The following PSAT1 variants were observed in gnomAD, a reference collection of about 807,000 sequenced individuals.
PSAT1 encodes the protein phosphoserine aminotransferase.
In PSAT1, 41 loss-of-function variants were observed where a neutral mutation model predicts 40.3. The ratio of observed to expected loss-of-function variants is 1.02; its 90% CI spans 0.79 to 1.32. The LOEUF (loss-of-function observed/expected upper bound fraction) is 1.32. Ranked by LOEUF, PSAT1 falls within the 40% of genes most tolerant of loss-of-function variation. The pLI is 0.00. For missense variants in PSAT1, 406 were observed against 455.8 expected (o/e 0.89, Z 0.99); for synonymous variants, 147 against 170.5 (o/e 0.86, Z 1.07).
intron 1 of PSAT1, 86 bp from the exon 2 acceptor site, chr9:78,300,516 T>G (rs1238737563): frequency 2.3e-5 from 34 of 1,503,650 alleles, no homozygotes; most frequent in Middle Eastern, 1.8e-4. Context: ...AGACCCTTCC[T>G]TGTCCCCTCG....
At chr9:78,325,639 G>A (rs1374280442) in intron 7 of PSAT1, among the ~76,000 whole-genome samples, 3 of 152,170 alleles carry the variant, frequency 2.0e-5, no homozygotes, top group African/African-American at 7.2e-5. Flanking sequence ...TGCAGCCCTT[G>A]GCTGTTACAG....
intron 3 of PSAT1, among the ~76,000 whole-genome samples, chr9:78,303,204 T>G (rs1828133250): frequency 2.0e-5 from 3 of 152,234 alleles, no homozygotes; most frequent in African/African-American, 7.2e-5. Flanking sequence ...AAGTTTTCTT[T>G]TTCAAATTGC....
At chr9:78,319,867 G>A in intron 7 of PSAT1, among the ~76,000 whole-genome samples, 1 of 152,082 alleles carries the variant, frequency 6.6e-6, no homozygotes, top group East Asian at 1.9e-4. Flanking sequence ...GTTTATGCTG[G>A]GATTGGGAAG....
intron 7 of PSAT1, among the ~76,000 whole-genome samples, chr9:78,318,100 T>A (rs750366974): frequency 1.5e-4 from 23 of 152,178 alleles, no homozygotes; most frequent in Non-Finnish European, 2.8e-4. Context: ...GTAGGTCCCG[T>A]CTACTCCCTC....
intron 6 of PSAT1, among the ~76,000 whole-genome samples, chr9:78,310,616 A>ATTTT (rs61004589): frequency 0.14 from 20,966 of 145,696 alleles, 1,600 homozygotes; most frequent in South Asian, 0.16. Flanking sequence ...AAAGGAAAGA[A>ATTTT]TTTTTTTTTT....
intron 6 of PSAT1, among the ~76,000 whole-genome samples, chr9:78,317,309 T>C (rs527915035): frequency 1.0e-3 from 156 of 152,154 alleles, no homozygotes; most frequent in Non-Finnish European, 2.0e-3. Context: ...CTAGAGTGCA[T>C]TGGTGTGATC....
intron 6 of PSAT1, among the ~76,000 whole-genome samples, chr9:78,311,435 G>A (rs977904159): frequency 1.3e-5 from 2 of 152,130 alleles, no homozygotes; most frequent in African/African-American, 2.4e-5. Context: ...CTGTCCCACA[G>A]CCTGTAGGCC....
Position 78,329,979 on chromosome 9 carries a change from G to A in PSAT1, c.*893G>A, listed in dbSNP as rs748940129. The A allele has an allele frequency of 1.3e-5, 2 of 152,082 alleles. No individual in the cohort carries two copies. The highest frequency in any genetic ancestry group is 2.1e-4 in the South Asian group (1 of 4,826). 9.4% of individuals were successfully genotyped at this position (152,082 alleles called of 1,614,324 possible). A position where few individuals can be genotyped will look rare whatever the true frequency, so the allele number is the denominator to read the frequency against. On this transcript the variant is annotated 3_prime_UTR_variant, in exon 9 of 9. Transcript: ENST00000376588. ...TCCTTTGTTCTCTACTGTTTTCTTT[G>A]TAATGTATGACTACGAGAGTGATAC...
intron 8 of PSAT1, among the ~76,000 whole-genome samples, chr9:78,328,671 T>C (rs185532828): frequency 6.6e-6 from 1 of 152,240 alleles, no homozygotes; most frequent in African/African-American, 2.4e-5. Context: ...GGCTCATGAA[T>C]GTTGAACAGA....
chr9:78,323,355 G>A (rs2118699951), intron 7 of PSAT1, among the ~76,000 whole-genome samples: 1 of 152,270 alleles, frequency 6.6e-6, no homozygotes, highest in East Asian at 1.9e-4. Flanking sequence ...AGAATTGTTT[G>A]ACCCCAAGGA....
intron 7 of PSAT1, among the ~76,000 whole-genome samples, chr9:78,324,581 C>T (rs777204113): frequency 2.0e-5 from 3 of 152,172 alleles, no homozygotes; most frequent in Non-Finnish European, 2.9e-5. Context: ...GGAGCAGGGG[C>T]TAGATCCAGC....
chr9:78,306,776 C>T (rs533603092), intron 5 of PSAT1, among the ~76,000 whole-genome samples: 18 of 152,264 alleles, frequency 1.2e-4, no homozygotes, highest in South Asian at 4.1e-4. Context: ...GGTCAACAGA[C>T]GGGGAGAGAC....
At chr9:78,313,618 C>A (rs1828298153) in intron 6 of PSAT1, among the ~76,000 whole-genome samples, 1 of 152,192 alleles carries the variant, frequency 6.6e-6, no homozygotes, top group East Asian at 1.9e-4. Context: ...TATGTCAGCT[C>A]AAATGCCTAT....
At chr9:78,314,760 G>A (rs985047711) in intron 6 of PSAT1, among the ~76,000 whole-genome samples, 2 of 152,006 alleles carry the variant, frequency 1.3e-5, no homozygotes, top group Non-Finnish European at 2.9e-5. Context: ...TTCAGGCGTC[G>A]GTACTGAGGT....
chr9:78,301,891 A>T (rs1044428131), intron 2 of PSAT1, 63 bp from the exon 3 acceptor site: 10 of 1,290,436 alleles, frequency 7.7e-6, no homozygotes, highest in Non-Finnish European at 1.1e-5. Flanking sequence ...TTTCGTAGGT[A>T]TTTCTGTTCA....
Position 78,308,507 on chromosome 9 carries a change from C to T in PSAT1, c.664C>T (p.Arg222Ter), listed in dbSNP as rs765723196. 5.0e-6 allele frequency: 8 copies of T among 1,614,066 alleles called. No homozygotes were observed. The highest frequency in any genetic ancestry group is 1.1e-5 in the South Asian group (1 of 91,056). Reference sequence around the variant, plus strand: ...TGATGACCTGCTGGGGTTTGCCCTCCGAGAGTGCCCCTCGGTCCTGGAATA... The same window carrying T: ...TGATGACCTGCTGGGGTTTGCCCTCTGAGAGTGCCCCTCGGTCCTGGAATA... ...VRDDLLGFAL[R>*]ECPSVLEYKV... Residue 222 changes from arginine (R) to a stop codon, truncating the protein, a stop_gained, in exon 6 of 9, where the codon CGA (arginine) becomes TGA (stop). Transcript: ENST00000376588. LOFTEE classifies it high-confidence loss of function.
intron 8 of PSAT1, among the ~76,000 whole-genome samples, chr9:78,328,469 A>G (rs1828532623): frequency 1.3e-5 from 2 of 152,212 alleles, no homozygotes; most frequent in African/African-American, 2.4e-5. Flanking sequence ...AGAGGTTGCC[A>G]TTCCATCTCT....
chr9:78,308,033 C>T (rs543469028), intron 5 of PSAT1, among the ~76,000 whole-genome samples: 4 of 152,060 alleles, frequency 2.6e-5, no homozygotes, highest in South Asian at 2.1e-4. Flanking sequence ...AGCAAGACTC[C>T]GTCTCAAAAG....
chr9:78,309,205 A>T (rs1587638564), intron 6 of PSAT1, among the ~76,000 whole-genome samples: 1 of 152,154 alleles, frequency 6.6e-6, no homozygotes, highest in African/African-American at 2.4e-5. Flanking sequence ...AAAGCTCTCT[A>T]TACATGAGGT....
Sources: allele counts gnomAD v4.1 joint callset (sites outside exome capture counted in the v4.1 genomes callset), GRCh38; gene constraint gnomAD v4.1.1; transcripts MANE v1.5; gene names NCBI Gene and HGNC (gene_info 2026-07-23, HGNC 2026-07-21).